The following SPOCK3 variants were observed in gnomAD, a reference collection of about 807,000 sequenced individuals.
SPOCK3 encodes testican-3.
In SPOCK3, 30 loss-of-function variants were observed where a neutral mutation model predicts 56.6. The ratio of observed to expected loss-of-function variants is 0.53; its 90% CI spans 0.40 to 0.72. The LOEUF (loss-of-function observed/expected upper bound fraction) is 0.72. SPOCK3 is among the 30% of genes least tolerant of loss of function. The pLI is 0.00. For missense variants in SPOCK3, 527 were observed against 530.0 expected (o/e 0.99, Z 0.06); for synonymous variants, 196 against 183.3 (o/e 1.07, Z -0.56).
intron 2 of SPOCK3, among the ~76,000 whole-genome samples, chr4:167,143,618 AT>A (rs1043335868): frequency 1.3e-5 from 2 of 151,834 alleles, no homozygotes; most frequent in Non-Finnish European, 2.9e-5. Flanking sequence ...GGCAGCTGCC[AT>A]TTTTTTACAT....
chr4:166,940,617 A>T (rs1190287086), intron 4 of SPOCK3, among the ~76,000 whole-genome samples: 1 of 151,118 alleles, frequency 6.6e-6, no homozygotes, highest in Non-Finnish European at 1.5e-5. Flanking sequence ...ATAATAAAAA[A>T]CCCCTAGGAA....
intron 3 of SPOCK3, among the ~76,000 whole-genome samples, chr4:167,006,978 T>C (rs2150137956): frequency 6.6e-6 from 1 of 152,318 alleles, no homozygotes; most frequent in African/African-American, 2.4e-5. Context: ...TAGAGATTCC[T>C]TTCCATGGAG....
chr4:166,800,315 A>T (rs2126685118), intron 6 of SPOCK3, among the ~76,000 whole-genome samples: 1 of 152,250 alleles, frequency 6.6e-6, no homozygotes, highest in East Asian at 1.9e-4. Flanking sequence ...AAATAAACCA[A>T]GCAAACCAAT....
At chr4:166,951,659 T>C (rs1742639655) in intron 4 of SPOCK3, among the ~76,000 whole-genome samples, 1 of 139,562 alleles carries the variant, frequency 7.2e-6, no homozygotes, top group Non-Finnish European at 1.5e-5. Context: ...ATATCCTTGA[T>C]GAACATTGAT....
At chr4:166,941,686 A>G (rs1741084704) in intron 4 of SPOCK3, among the ~76,000 whole-genome samples, 1 of 152,208 alleles carries the variant, frequency 6.6e-6, no homozygotes. Context: ...TTAGGTTACA[A>G]GAAGACTGTG....
chr4:166,969,024 T>A (rs1477308014), intron 4 of SPOCK3, among the ~76,000 whole-genome samples: 2 of 152,204 alleles, frequency 1.3e-5, no homozygotes, highest in African/African-American at 4.8e-5. Context: ...AAAGATTTAA[T>A]GACTGCCCTG....
At chr4:166,837,358 G>A (rs1379290322) in intron 6 of SPOCK3, among the ~76,000 whole-genome samples, 1 of 151,926 alleles carries the variant, frequency 6.6e-6, no homozygotes, top group Admixed American at 6.6e-5. Context: ...AGGTAGAGAT[G>A]GTGTTTCACC....
At chr4:166,951,330 A>G (rs1413470270) in intron 4 of SPOCK3, among the ~76,000 whole-genome samples, 1 of 137,038 alleles carries the variant, frequency 7.3e-6, no homozygotes, top group Non-Finnish European at 1.5e-5. Flanking sequence ...TAGAAAATCT[A>G]GAAGAAATGG....
At chr4:166,766,494 T>C (rs1738074463) in intron 7 of SPOCK3, among the ~76,000 whole-genome samples, 1 of 152,234 alleles carries the variant, frequency 6.6e-6, no homozygotes, top group African/African-American at 2.4e-5. Flanking sequence ...TTACATTTAA[T>C]GATTTGCGTA....
At chr4:166,814,654 C>T (rs773167464) in intron 6 of SPOCK3, among the ~76,000 whole-genome samples, 52 of 152,058 alleles carry the variant, frequency 3.4e-4, no homozygotes, top group Non-Finnish European at 6.6e-4. Flanking sequence ...GGCTCTCAGG[C>T]CTTTGGCCAC....
chr4:166,919,873 T>C (rs1037672788), intron 4 of SPOCK3, among the ~76,000 whole-genome samples: 2 of 152,182 alleles, frequency 1.3e-5, no homozygotes, highest in Admixed American at 6.5e-5. Context: ...TTTTTTCTTT[T>C]AAATCAGTAT....
At chr4:166,743,812 C>T (rs887062565) in intron 8 of SPOCK3, among the ~76,000 whole-genome samples, 5 of 152,180 alleles carry the variant, frequency 3.3e-5, no homozygotes, top group East Asian at 1.9e-4. Context: ...CTATATCCTG[C>T]GCCTGGTTTG....
At chr4:166,946,559 C>T (rs970816160) in intron 4 of SPOCK3, among the ~76,000 whole-genome samples, 2 of 152,196 alleles carry the variant, frequency 1.3e-5, no homozygotes, top group African/African-American at 2.4e-5. Flanking sequence ...TTCTTCAGTA[C>T]TTCAAATCTT....
chr4:166,901,401 G>A (rs930898213), intron 5 of SPOCK3, among the ~76,000 whole-genome samples: 1 of 152,128 alleles, frequency 6.6e-6, no homozygotes, highest in Admixed American at 6.6e-5. Flanking sequence ...ACATCAATGG[G>A]ACAACAGACT....
At chr4:166,853,846 C>T (rs1730383770) in intron 6 of SPOCK3, among the ~76,000 whole-genome samples, 2 of 151,662 alleles carry the variant, frequency 1.3e-5, no homozygotes, top group African/African-American at 4.8e-5. Context: ...CACATCACTG[C>T]ACTCCACCCT....
At chr4:166,897,452 G>T (rs1264361728) in intron 5 of SPOCK3, among the ~76,000 whole-genome samples, 1 of 152,136 alleles carries the variant, frequency 6.6e-6, no homozygotes, top group Non-Finnish European at 1.5e-5. Flanking sequence ...CATGAGCAAA[G>T]GTTGGGTGGG....
chr4:166,916,520 T>G, intron 4 of SPOCK3, among the ~76,000 whole-genome samples: 1 of 152,176 alleles, frequency 6.6e-6, no homozygotes, highest in East Asian at 1.9e-4. Context: ...CTCATTTATG[T>G]TCTACTTAGT....
chr4:167,082,931 T>C (rs777983439), intron 2 of SPOCK3, among the ~76,000 whole-genome samples: 2 of 151,474 alleles, frequency 1.3e-5, no homozygotes, highest in African/African-American at 2.4e-5. Flanking sequence ...CCAACCGTGA[T>C]ACCGGAAACT....
rs57918767 is a variant in SPOCK3, at chr4:167,135,680, C to CGT, written c.190-73145_190-73144dup. On this transcript the variant is annotated intron_variant, in intron 2 of 10. Coordinates refer to ENST00000357545, the MANE Select transcript of SPOCK3 (RefSeq NM_001040159.2). ...ATATTATTTATTGTCCTATATAAAA[C>CGT]GTGTGTGTGTGTGTGTGTGTGTGTG... 8.3e-3 allele frequency among the ~76,000 whole-genome samples: 1,233 copies of CGT among 147,748 alleles called. 22 individuals carry two copies. Among genetic ancestry groups the CGT allele is most frequent in the African/African-American group, 0.025 (984 of 39,852 alleles).
Sources: gnomAD v4.1 joint callset for allele counts (sites outside exome capture counted in the v4.1 genomes callset) on GRCh38, gnomAD v4.1.1 for gene constraint, MANE v1.5 for transcripts, NCBI Gene and HGNC (gene_info 2026-07-23, HGNC 2026-07-21) for gene names.